The following NRG1 variants were observed in gnomAD, a reference collection of about 807,000 sequenced individuals.
NRG1 encodes pro-neuregulin-1, membrane-bound isoform.
Under a neutral mutation model 63.8 loss-of-function variants are expected in NRG1, and 18 were observed. The ratio of observed to expected loss-of-function variants is 0.28; its 90% CI spans 0.19 to 0.42. The LOEUF (loss-of-function observed/expected upper bound fraction) is 0.42, where lower values mean the gene tolerates loss of function less well. NRG1 is among the 10% of genes least tolerant of loss of function. The pLI, the probability that NRG1 is intolerant of heterozygous loss-of-function variation, is 1.00. For missense variants in NRG1, 762 were observed against 814.7 expected (o/e 0.94, Z 0.79); for synonymous variants, 302 against 301.3 (o/e 1.00, Z -0.02).
In NRG1 at chr8:32,122,910, T is replaced by C. The variant is rs1274747644; in HGVS notation, c.38-472918T>C. 4.6e-5 allele frequency among the ~76,000 whole-genome samples: 7 copies of C among 152,036 alleles called. No homozygotes were observed. In the South Asian group the frequency reaches 8.3e-4, roughly 18 times the overall value. On this transcript the variant is annotated intron_variant, in intron 1 of 10. Coordinates refer to the NRG1 transcript ENST00000519301. ...TGTCTTTGCGATAGTTTACTGAGAA[T>C]GATGATTTCCATTTTCATCCATGTC...
At chr8:31,716,021 G>A (rs932350330) in intron 1 of NRG1, among the ~76,000 whole-genome samples, 1 of 152,122 alleles carries the variant, frequency 6.6e-6, no homozygotes, top group Admixed American at 6.5e-5. Flanking sequence ...AAGTTTCTTT[G>A]TGTCCTAATA....
At chr8:32,537,244 T>C (rs1832098563) in intron 1 of NRG1, among the ~76,000 whole-genome samples, 1 of 148,158 alleles carries the variant, frequency 6.7e-6, no homozygotes, top group East Asian at 2.1e-4. Context: ...CACGTTGGTC[T>C]GATTCTACTC....
chr8:32,660,298 A>G (rs1385751882), intron 5 of NRG1, among the ~76,000 whole-genome samples: 2 of 152,184 alleles, frequency 1.3e-5, no homozygotes, highest in African/African-American at 2.4e-5. Flanking sequence ...TGGATAAGGG[A>G]TACTCAACCT....
intron 6 of NRG1, among the ~76,000 whole-genome samples, chr8:32,736,201 G>A (rs574713840): frequency 7.9e-5 from 12 of 152,162 alleles, no homozygotes; most frequent in Admixed American, 1.3e-4. Flanking sequence ...AATTAGAAAA[G>A]CATATGCAAA....
intron 5 of NRG1, chr8:32,646,984 C>T: frequency 6.1e-6 from 6 of 984,924 alleles, no homozygotes; most frequent in Non-Finnish European, 6.0e-6. Context: ...CAGAGAAGAG[C>T]CGCAGAGGAA....
chr8:32,724,405 GC>G (rs974208571), intron 5 of NRG1, among the ~76,000 whole-genome samples: 1 of 151,854 alleles, frequency 6.6e-6, no homozygotes, highest in Admixed American at 6.6e-5. Flanking sequence ...ACTCCTCCCA[GC>G]CCCCCCAGAA....
intron 1 of NRG1, among the ~76,000 whole-genome samples, chr8:32,210,316 T>G (rs1035471049): frequency 2.0e-5 from 3 of 152,276 alleles, no homozygotes; most frequent in South Asian, 2.1e-4. Context: ...CATATTCCAG[T>G]GATCAGCAGA....
At chr8:32,418,227 G>A (rs1281731472) in intron 1 of NRG1, among the ~76,000 whole-genome samples, 1 of 152,010 alleles carries the variant, frequency 6.6e-6, no homozygotes, top group Non-Finnish European at 1.5e-5. Context: ...TTCTAGTCTA[G>A]TGCATTCAAT....
intron 1 of NRG1, among the ~76,000 whole-genome samples, chr8:31,728,420 C>T (rs7341649): frequency 0.28 from 42,884 of 152,050 alleles, 7,155 homozygotes; most frequent in Non-Finnish European, 0.36. Flanking sequence ...GCTGAGATCT[C>T]GCAAGTAATT....
At chr8:32,297,833 C>T (rs1016257191) in intron 1 of NRG1, among the ~76,000 whole-genome samples, 2 of 152,190 alleles carry the variant, frequency 1.3e-5, no homozygotes, top group South Asian at 2.1e-4. Context: ...CCTGGTGGAC[C>T]TCAAGAACTG....
At chr8:32,530,484 T>A (rs920369536) in intron 1 of NRG1, among the ~76,000 whole-genome samples, 6 of 152,220 alleles carry the variant, frequency 3.9e-5, no homozygotes, top group Non-Finnish European at 8.8e-5. Context: ...TCTATTTCCA[T>A]ACAGTACTTC....
At chr8:32,767,338 G>A (rs534426717) in exon 12 of NRG1, 67 of 152,268 alleles carry the variant, frequency 4.4e-4, no homozygotes, top group African/African-American at 1.6e-3. Context: ...GGGTTAAAGG[G>A]CGCATGGCTC....
chr8:32,548,782 G>T, exon 1 of NRG1: 1 of 1,588,744 alleles, frequency 6.3e-7, no homozygotes, highest in Non-Finnish European at 8.5e-7. Context: ...AAGGAGCGAG[G>T]CTCCGGCAAG....
chr8:32,271,921 G>A (rs1488784040), intron 1 of NRG1, among the ~76,000 whole-genome samples: 1 of 152,164 alleles, frequency 6.6e-6, no homozygotes, highest in African/African-American at 2.4e-5. Flanking sequence ...ATGGGGCTCA[G>A]AGGCAGTCCA....
intron 1 of NRG1, among the ~76,000 whole-genome samples, chr8:31,665,495 G>A (rs996825557): frequency 2.0e-5 from 3 of 152,180 alleles, no homozygotes; most frequent in African/African-American, 7.2e-5. Flanking sequence ...ACTATTGAAG[G>A]AATTTCAGGC....
intron 5 of NRG1, among the ~76,000 whole-genome samples, chr8:32,690,980 T>TGTGTGTGTG (rs759954971): frequency 4.8e-5 from 7 of 146,448 alleles, no homozygotes; most frequent in African/African-American, 1.8e-4. Flanking sequence ...TGTGTGTGTG[T>TGTGTGTGTG]TAGCCATTTA....
At chr8:31,729,886 T>C (rs1156404368) in intron 1 of NRG1, among the ~76,000 whole-genome samples, 1 of 152,120 alleles carries the variant, frequency 6.6e-6, no homozygotes, top group Non-Finnish European at 1.5e-5. Flanking sequence ...AAAAACACAG[T>C]TATTTCAATG....
chr8:32,077,374 C>G (rs981939165), intron 1 of NRG1, among the ~76,000 whole-genome samples: 5 of 151,836 alleles, frequency 3.3e-5, no homozygotes, highest in South Asian at 4.2e-4. Flanking sequence ...CCCCTCCCCC[C>G]CAAAAAATTG....
intron 1 of NRG1, among the ~76,000 whole-genome samples, chr8:32,371,955 A>G (rs370430832): frequency 1.8e-4 from 23 of 131,026 alleles, no homozygotes; most frequent in African/African-American, 4.9e-4. Context: ...ATTTACCACA[A>G]TTTTTTTCTT....
Sources: allele counts gnomAD v4.1 joint callset (sites outside exome capture counted in the v4.1 genomes callset), GRCh38; gene constraint gnomAD v4.1.1; transcripts MANE v1.5; gene names NCBI Gene and HGNC (gene_info 2026-07-23, HGNC 2026-07-21).